GNAQ: variants seen among roughly 807,000 people sequenced by gnomAD.
GNAQ encodes the protein guanine nucleotide-binding protein G(q) subunit alpha.
A neutral mutation model predicts 43.9 loss-of-function variants in GNAQ; 8 were observed. That is an observed-to-expected ratio of 0.18 (90% CI 0.11 to 0.33). The LOEUF is 0.33. Among genes scored for constraint, GNAQ ranks in the 10% least tolerant of loss-of-function variants. The pLI is 1.00. For synonymous variants in GNAQ, 155 were observed against 170.7 expected (o/e 0.91, Z 0.71); for missense variants, 158 against 450.8 (o/e 0.35, Z 5.88).
chr9:77,856,490 G>A (rs1317420427), intron 2 of GNAQ, among the ~76,000 whole-genome samples: 3 of 152,142 alleles, frequency 2.0e-5, no homozygotes, highest in Non-Finnish European at 4.4e-5. Flanking sequence ...TTCTTCTAGA[G>A]TAAGTGAATA....
At chr9:77,897,263 A>T (rs1564144435) in intron 2 of GNAQ, among the ~76,000 whole-genome samples, 1 of 152,236 alleles carries the variant, frequency 6.6e-6, no homozygotes, top group East Asian at 1.9e-4. Context: ...CAGGGATTTT[A>T]AAATTATTTA....
At chr9:77,847,050 A>G (rs989376932) in intron 2 of GNAQ, among the ~76,000 whole-genome samples, 2 of 152,190 alleles carry the variant, frequency 1.3e-5, no homozygotes, top group African/African-American at 4.8e-5. Context: ...AGATAGCATC[A>G]ATGCCAGATT....
rs1287610195 is a variant in GNAQ at position 77,719,594 on chromosome 9, T to C, written c.*1729A>G. The C allele has an allele frequency of 8.6e-6, 2 of 232,682 alleles. No homozygotes were observed. The highest frequency in any genetic ancestry group is 4.4e-5 in the African/African-American group (2 of 45,316). 14.4% of individuals were successfully genotyped at this position (232,682 alleles called of 1,614,324 possible). ...TGATTTATATGGAAGTTTACACTAG[T>C]GCCAAATACCACTGTAGTTAAAATG... On this transcript the variant is annotated 3_prime_UTR_variant, in exon 7 of 7. Coordinates refer to ENST00000286548, the MANE Select transcript of GNAQ (RefSeq NM_002072.5).
At chr9:77,839,252 GCTT>G (rs1827444111) in intron 2 of GNAQ, among the ~76,000 whole-genome samples, 2 of 152,210 alleles carry the variant, frequency 1.3e-5, no homozygotes, top group African/African-American at 4.8e-5. Flanking sequence ...CTGATCAAGA[GCTT>G]CAATTTTTAC....
intron 5 of GNAQ, among the ~76,000 whole-genome samples, chr9:77,731,383 T>C (rs1825486363): frequency 1.3e-5 from 2 of 152,324 alleles, no homozygotes; most frequent in South Asian, 2.1e-4. Context: ...CACCCAGTAC[T>C]GCTGCACTGG....
At chr9:77,923,433 CTATA>C (rs1325692875) in intron 1 of GNAQ, among the ~76,000 whole-genome samples, 2 of 152,086 alleles carry the variant, frequency 1.3e-5, no homozygotes, top group Non-Finnish European at 2.9e-5. Flanking sequence ...CCTAACAGAG[CTATA>C]TATGTCCCTG....
At position 77,828,482 on chromosome 9, in the gene GNAQ, TG is replaced by T. The variant is rs1303534509; in HGVS notation, c.322-12713del. Reference sequence around the variant, plus strand: ...GCCTTTCCTAATTACTTTTTTCTTTTGGGCCATTCACAGTCTTCACAGCACA... The same window carrying T: ...GCCTTTCCTAATTACTTTTTTCTTTTGGCCATTCACAGTCTTCACAGCACA... On this transcript the variant is annotated intron_variant, in intron 2 of 6. Coordinates refer to ENST00000286548, the MANE Select transcript of GNAQ (RefSeq NM_002072.5). Among the ~76,000 whole-genome samples the T allele has an allele frequency of 2.0e-5, 3 of 152,294 alleles. No individual in the cohort carries two copies. In the East Asian group the frequency reaches 5.8e-4, roughly 29 times the overall value.
intron 1 of GNAQ, among the ~76,000 whole-genome samples, chr9:77,995,625 G>A (rs961991646): frequency 5.3e-5 from 8 of 152,012 alleles, no homozygotes; most frequent in African/African-American, 1.9e-4. Flanking sequence ...CATGTAGCTG[G>A]GAGCTAACTA....
intron 1 of GNAQ, among the ~76,000 whole-genome samples, chr9:77,986,037 T>C (rs1823431722): frequency 1.3e-5 from 2 of 152,168 alleles, no homozygotes; most frequent in Non-Finnish European, 2.9e-5. Flanking sequence ...AACTAGAAAG[T>C]ACAATCCACC....
At chr9:77,857,476 G>T (rs1827773360) in intron 2 of GNAQ, among the ~76,000 whole-genome samples, 1 of 142,418 alleles carries the variant, frequency 7.0e-6, no homozygotes, top group African/African-American at 2.5e-5. Flanking sequence ...GGAAGGAAGG[G>T]AAAGAGAGGA....
chr9:78,022,029 T>C (rs1473555571), intron 1 of GNAQ, among the ~76,000 whole-genome samples: 1 of 152,222 alleles, frequency 6.6e-6, no homozygotes, highest in Non-Finnish European at 1.5e-5. Flanking sequence ...ATCAGCAGCA[T>C]GCCAGGCGGC....
At chr9:77,945,591 C>A (rs902640835) in intron 1 of GNAQ, among the ~76,000 whole-genome samples, 4 of 152,022 alleles carry the variant, frequency 2.6e-5, no homozygotes, top group African/African-American at 7.3e-5. Context: ...TACATACTCA[C>A]GGATGAAAAA....
chr9:77,800,727 A>C (rs2118468148), intron 3 of GNAQ, among the ~76,000 whole-genome samples: 1 of 152,322 alleles, frequency 6.6e-6, no homozygotes, highest in South Asian at 2.1e-4. Context: ...ATAAATTTAA[A>C]AAAGAAAAAA....
chr9:77,773,944 TA>T (rs1826267129), intron 5 of GNAQ, among the ~76,000 whole-genome samples: 1 of 152,126 alleles, frequency 6.6e-6, no homozygotes, highest in South Asian at 2.1e-4. Context: ...GCAAATGATT[TA>T]AAGTTTTATA....
chr9:77,851,297 T>C (rs1484328077), intron 2 of GNAQ, among the ~76,000 whole-genome samples: 1 of 152,196 alleles, frequency 6.6e-6, no homozygotes, highest in African/African-American at 2.4e-5. Context: ...GTTTTTGTGA[T>C]AAACCTCCCC....
intron 5 of GNAQ, among the ~76,000 whole-genome samples, chr9:77,729,500 T>C (rs1415854324): frequency 1.3e-5 from 2 of 151,818 alleles, no homozygotes; most frequent in Non-Finnish European, 2.9e-5. Context: ...AAATCATTCC[T>C]CTGAAAAAAA....
At chr9:77,854,476 T>C (rs1277993680) in intron 2 of GNAQ, among the ~76,000 whole-genome samples, 1 of 152,248 alleles carries the variant, frequency 6.6e-6, no homozygotes, top group Non-Finnish European at 1.5e-5. Context: ...GTGATGCTCA[T>C]GCTTGGGAAG....
rs866659864 is a variant in GNAQ at position 77,998,895 on chromosome 9, T to G, written c.136+32205A>C. On this transcript the variant is annotated intron_variant, in intron 1 of 6. Coordinates refer to ENST00000286548, the MANE Select transcript of GNAQ (RefSeq NM_002072.5). ...TGAGGTCAGGAGTTCAAGACCAGCC[T>G]GGCCAACATGGTGAAACCCCGTCTC... is the stretch of plus-strand genomic sequence containing the variant. 3.3e-5 allele frequency among the ~76,000 whole-genome samples: 5 copies of G among 151,978 alleles called. No individual in the cohort carries two copies. In the South Asian group the frequency reaches 1.0e-3, roughly 32 times the overall value.
At chr9:77,952,584 T>A (rs1822995627) in intron 1 of GNAQ, among the ~76,000 whole-genome samples, 1 of 152,282 alleles carries the variant, frequency 6.6e-6, no homozygotes, top group Non-Finnish European at 1.5e-5. Context: ...TGAAGAAAAA[T>A]TAAGAATTGC....
Sources: allele counts gnomAD v4.1 joint callset (sites outside exome capture counted in the v4.1 genomes callset), GRCh38; gene constraint gnomAD v4.1.1; transcripts MANE v1.5; gene names NCBI Gene and HGNC (gene_info 2026-07-23, HGNC 2026-07-21).